The following LY75 variants were observed in gnomAD, a reference collection of about 807,000 sequenced individuals.
LY75 encodes the protein C-type lectin domain family 13 member B.
LY75 carries 185 observed loss-of-function variants against 231.7 expected under a neutral mutation model. The ratio of observed to expected loss-of-function variants is 0.80; its 90% CI spans 0.71 to 0.90. LY75 has a LOEUF of 0.90. Among genes scored for constraint, LY75 ranks in the 40% least tolerant of loss-of-function variants. LY75 has a pLI of 0.00. For synonymous variants in LY75, 668 were observed against 689.0 expected (o/e 0.97, Z 0.48); for missense variants, 1,947 against 2,050.2 (o/e 0.95, Z 0.97).
rs147182689 is a variant in LY75 at position 159,881,633 on chromosome 2, C to T, written c.1247-393G>A. ...GCACCAGGCTGGCACTGAGTAGGTA[C>T]CTACTCTTAGCTATTCTAGCTAAGA... On this transcript the variant is annotated intron_variant, in intron 7 of 34. Transcript: ENST00000263636. Among the ~76,000 whole-genome samples the T allele has an allele frequency of 1.1e-3, 169 of 152,272 alleles. No individual in the cohort carries two copies. The Middle Eastern group carries it at 0.051, about 46-fold the overall frequency.
chr2:159,887,926 G>A (rs569005688), intron 4 of LY75, among the ~76,000 whole-genome samples: 9 of 152,236 alleles, frequency 5.9e-5, no homozygotes, highest in Admixed American at 1.3e-4. Context: ...GTTTCCAAAT[G>A]TCAATATTCT....
intron 6 of LY75, among the ~76,000 whole-genome samples, chr2:159,882,858 G>A (rs1257053078): frequency 6.6e-6 from 1 of 152,070 alleles, no homozygotes; most frequent in Admixed American, 6.6e-5. Context: ...AGATGAGAGG[G>A]CAAAGGTTAC....
intron 24 of LY75, among the ~76,000 whole-genome samples, chr2:159,841,929 C>A (rs1460150097): frequency 2.6e-5 from 4 of 152,068 alleles, no homozygotes; most frequent in Admixed American, 1.3e-4. Flanking sequence ...AAAAAAATCA[C>A]ATTCCATTTG....
intron 1 of LY75, among the ~76,000 whole-genome samples, chr2:159,901,558 T>A (rs1285295890): frequency 6.6e-6 from 1 of 152,162 alleles, no homozygotes; most frequent in Non-Finnish European, 1.5e-5. Flanking sequence ...CAGTTCTGGA[T>A]TTTTCAAAAT....
intron 13 of LY75, among the ~76,000 whole-genome samples, chr2:159,868,469 A>G (rs1048562027): frequency 6.6e-6 from 1 of 152,170 alleles, no homozygotes; most frequent in Non-Finnish European, 1.5e-5. Flanking sequence ...CTAGGATTTG[A>G]GGTGATTGTT....
intron 28 of LY75, among the ~76,000 whole-genome samples, chr2:159,828,979 GA>G (rs1295124863): frequency 6.6e-6 from 1 of 152,174 alleles, no homozygotes; most frequent in Non-Finnish European, 1.5e-5. Context: ...ACAGAAAGTA[GA>G]TCAGTGGTTG....
intron 13 of LY75, 113 bp from the exon 14 acceptor site, chr2:159,865,033 G>C: frequency 1.2e-5 from 11 of 914,118 alleles, no homozygotes; most frequent in Non-Finnish European, 4.5e-6. Context: ...GCAACATAAA[G>C]AAGTCTTTTG....
chr2:159,898,977 A>C lies in LY75; in HGVS notation c.177T>G (p.Cys59Trp). The C allele has an allele frequency of 6.8e-6, 11 of 1,614,242 alleles. No homozygotes were observed. Among genetic ancestry groups the C allele is most frequent in the Non-Finnish European group, 8.5e-6 (10 of 1,180,036 alleles). ...TCCATAACTTGTCCTCAGTTTCATC[A>C]CAGTCGTCTGCTACTATCCAGCCAT... Reference protein sequence around the residue: ...PVYGWIVADDCDETEDKLWKW... With the variant: ...PVYGWIVADDWDETEDKLWKW... The change falls in exon 2 of 35, where the codon TGT becomes TGG. Residue 59 changes from cysteine (C) to tryptophan (W), a missense_variant. Cys to Trp is a radical substitution (Grantham distance 215, BLOSUM62 -2). Coordinates refer to ENST00000263636, the MANE Select transcript of LY75 (RefSeq NM_002349.4).
At position 159,809,531 on chromosome 2, in the gene LY75, A is replaced by C. The variant is rs189700561; in HGVS notation, c.4700-960T>G. ...TTTACTACTTAGCTAACTTTACAAA[A>C]ATTTTACCTCTTAATTCCTTTTTCT... On this transcript the variant is annotated intron_variant, in intron 32 of 34. Transcript: ENST00000263636. Among the ~76,000 whole-genome samples the C allele has an allele frequency of 9.1e-4, 139 of 152,266 alleles. 2 individuals carry two copies. The highest frequency in any genetic ancestry group is 3.2e-3 in the African/African-American group (132 of 41,550).
rs1349826133 is a variant in LY75, at chr2:159,882,247, G to C, written c.1123C>G (p.Leu375Val). The change falls in exon 7 of 35, where the codon CTG becomes GTG. Residue 375 changes from leucine to valine, a missense_variant. Coordinates refer to ENST00000263636, the MANE Select transcript of LY75 (RefSeq NM_002349.4). ...WLPNNGFCYLLVNESNSWDKA... is the reference protein window; with the variant it reads ...WLPNNGFCYLVVNESNSWDKA... ...TCCCAGGAATTACTTTCATTTACCAGCAGATAGCAAAATCCATTATTTGGC... is the reference window on the plus strand; with the variant it reads ...TCCCAGGAATTACTTTCATTTACCACCAGATAGCAAAATCCATTATTTGGC... 3 of 1,614,044 alleles carry C rather than the reference G, an allele frequency of 1.9e-6. No individual in the cohort carries two copies.
Position 159,904,646 on chromosome 2 carries a change from C to T in LY75, c.37G>A (p.Gly13Arg), listed in dbSNP as rs754863219. ...TGWATPRRPA[G>R]LLMLLFWFFD... is the part of the protein sequence containing the mutation. ...AACCAGAAGAGCAGCATGAGGAGCC[C>T]CGCCGGGCGGCGAGGGGTCGCCCAG... The change falls in exon 1 of 35, where the codon GGG becomes AGG. Residue 13 changes from glycine to arginine, a missense_variant. Physicochemically the swap from Gly to Arg is moderately radical, Grantham distance 125 (BLOSUM62 -2). Coordinates refer to ENST00000263636, the MANE Select transcript of LY75 (RefSeq NM_002349.4). 8.7e-6 allele frequency: 13 copies of T among 1,494,956 alleles called. No individual in the cohort carries two copies. The highest frequency in any genetic ancestry group is 2.9e-5 in the East Asian group (1 of 34,756). The allele number at this position is 1,494,956 out of a possible 1,614,324, so 92.6% of individuals were successfully genotyped here.
intron 6 of LY75, 109 bp from the exon 7 acceptor site, chr2:159,882,424 C>T (rs565375194): frequency 7.6e-6 from 11 of 1,445,814 alleles, no homozygotes; most frequent in East Asian, 7.1e-5. Flanking sequence ...AAACTGGGGA[C>T]GTGATGTCAG....
intron 12 of LY75, among the ~76,000 whole-genome samples, chr2:159,873,072 A>T (rs1268303738): frequency 6.6e-6 from 1 of 152,170 alleles, no homozygotes; most frequent in Non-Finnish European, 1.5e-5. Flanking sequence ...GTGAATATTG[A>T]CAGAAAGTGG....
chr2:159,872,514 A>C lies in LY75; in HGVS notation c.2054T>G (p.Leu685Arg). The change falls in exon 13 of 35, where the codon CTT becomes CGT. Residue 685 changes from leucine (L) to arginine (R), a missense_variant. Leu to Arg is a moderately radical substitution (Grantham distance 102). Coordinates refer to ENST00000263636, the MANE Select transcript of LY75 (RefSeq NM_002349.4). Reference protein sequence around the residue: ...ERFCQALGAHLSSFSHVDEIK... With the variant: ...ERFCQALGAHRSSFSHVDEIK... ...TTCATCCACATGGCTGAAGCTAGAAAGGTGTGCTCCAAGGGCTTGGCAGAA... is the reference window on the plus strand; with the variant it reads ...TTCATCCACATGGCTGAAGCTAGAACGGTGTGCTCCAAGGGCTTGGCAGAA... 6.2e-7 allele frequency: 1 copy of C among 1,614,024 alleles called. No individual in the cohort carries two copies. The highest frequency in any genetic ancestry group is 8.5e-7 in the Non-Finnish European group (1 of 1,179,946).
intron 28 of LY75, among the ~76,000 whole-genome samples, chr2:159,830,131 T>G (rs1227690124): frequency 6.6e-6 from 1 of 152,220 alleles, no homozygotes; most frequent in Admixed American, 6.5e-5. Flanking sequence ...AACCAAGTCT[T>G]TATCTATTGC....
chr2:159,810,541 AT>A lies in LY75; in HGVS notation c.4683del (p.Lys1561AsnfsTer15). The A allele has an allele frequency of 6.2e-7, 1 of 1,612,308 alleles. No homozygotes were observed. The highest frequency in any genetic ancestry group is 1.1e-5 in the South Asian group (1 of 90,492). On this transcript the variant is annotated frameshift_variant, in exon 32 of 35. Coordinates refer to ENST00000263636, the MANE Select transcript of LY75 (RefSeq NM_002349.4). LOFTEE classifies it high-confidence loss of function. ...TTTAACTCACCATGTTTTGAACACA[AT>A]TTTTTGGCCTCTGAAAAACTGTGCA... Reference protein sequence around the residue: ...QALHSFSEAKKLCSKHDHSAT... With the variant: ...QALHSFSEAKXLCSKHDHSAT...
intron 3 of LY75, among the ~76,000 whole-genome samples, chr2:159,890,807 G>C (rs1385261513): frequency 6.6e-6 from 1 of 152,116 alleles, no homozygotes; most frequent in Non-Finnish European, 1.5e-5. Context: ...GCACAGACAT[G>C]CTGCTTAAAT....
intron 13 of LY75, among the ~76,000 whole-genome samples, chr2:159,867,265 T>A (rs550872868): frequency 9.4e-4 from 143 of 152,268 alleles, no homozygotes; most frequent in Non-Finnish European, 1.5e-3. Flanking sequence ...TAGCGACATG[T>A]ATGTATTTTT....
intron 4 of LY75, among the ~76,000 whole-genome samples, chr2:159,887,043 T>C (rs1427258886): frequency 6.6e-6 from 1 of 151,256 alleles, no homozygotes; most frequent in Non-Finnish European, 1.5e-5. Context: ...TGGATCCCCA[T>C]ATGATCAAGT....
Sources: allele counts gnomAD v4.1 joint callset (sites outside exome capture counted in the v4.1 genomes callset), GRCh38; gene constraint gnomAD v4.1.1; transcripts MANE v1.5; gene names NCBI Gene and HGNC (gene_info 2026-07-23, HGNC 2026-07-21).